RIT2: variants seen among roughly 807,000 people sequenced by gnomAD.
The protein encoded by RIT2 is Ras like without CAAX 2, also known as GTP-binding protein Rit2.
A neutral mutation model predicts 23.7 loss-of-function variants in RIT2; 24 were observed. That is an observed-to-expected ratio of 1.01 (90% CI 0.73 to 1.43). RIT2 has a LOEUF of 1.43. Ranked by LOEUF, RIT2 falls within the 40% of genes most tolerant of loss-of-function variation. The probability of loss-of-function intolerance (pLI) is 0.00; values close to 1 mark genes in which losing one functional copy is unlikely to be tolerated. For synonymous variants in RIT2, 107 were observed against 91.1 expected (o/e 1.17, Z -0.99); for missense variants, 236 against 266.9 (o/e 0.88, Z 0.81).
At chr18:42,771,833 G>A (rs1913559065) in intron 4 of RIT2, among the ~76,000 whole-genome samples, 1 of 152,122 alleles carries the variant, frequency 6.6e-6, no homozygotes, top group Non-Finnish European at 1.5e-5. Context: ...AGTTCAAAGA[G>A]TTACAGTGAC....
At chr18:42,909,466 A>G (rs1175123489) in intron 4 of RIT2, among the ~76,000 whole-genome samples, 1 of 152,178 alleles carries the variant, frequency 6.6e-6, no homozygotes, top group East Asian at 1.9e-4. Flanking sequence ...AAATTGTTGG[A>G]ATACATTTAA....
At chr18:42,887,575 G>A (rs1304804813) in intron 4 of RIT2, among the ~76,000 whole-genome samples, 1 of 152,142 alleles carries the variant, frequency 6.6e-6, no homozygotes, top group Non-Finnish European at 1.5e-5. Context: ...ATGCAAAATG[G>A]TACAGTCACT....
intron 1 of RIT2, among the ~76,000 whole-genome samples, chr18:43,076,676 G>A (rs1044182863): frequency 1.3e-5 from 2 of 152,192 alleles, no homozygotes; most frequent in African/African-American, 4.8e-5. Context: ...GATATGTCTA[G>A]CAACATCTCT....
intron 1 of RIT2, among the ~76,000 whole-genome samples, chr18:43,108,799 T>C (rs1163375812): frequency 1.3e-5 from 2 of 152,224 alleles, no homozygotes; most frequent in Non-Finnish European, 2.9e-5. Context: ...CAGTGAGTGA[T>C]GGTCTGCAGT....
intron 4 of RIT2, among the ~76,000 whole-genome samples, chr18:42,881,097 C>A (rs2083775361): frequency 1.3e-5 from 2 of 152,068 alleles, no homozygotes; most frequent in Admixed American, 1.3e-4. Context: ...TGAGCCACTG[C>A]ACCCACCCAT....
intron 4 of RIT2, among the ~76,000 whole-genome samples, chr18:42,844,216 T>C (rs1285422806): frequency 6.6e-6 from 1 of 152,160 alleles, no homozygotes; most frequent in African/African-American, 2.4e-5. Context: ...TGGGGCATGT[T>C]ATAATGCTCT....
At chr18:43,030,319 TA>T in intron 2 of RIT2, among the ~76,000 whole-genome samples, 1 of 152,102 alleles carries the variant, frequency 6.6e-6, no homozygotes. Flanking sequence ...AGCAAAGATG[TA>T]GGTGAAAAAA....
chr18:42,757,381 T>C (rs991883607), intron 4 of RIT2, among the ~76,000 whole-genome samples: 1 of 152,168 alleles, frequency 6.6e-6, no homozygotes, highest in Non-Finnish European at 1.5e-5. Flanking sequence ...GAGTAGCAGA[T>C]GACTTTGATG....
chr18:42,860,322 T>C (rs957642623), intron 4 of RIT2, among the ~76,000 whole-genome samples: 3 of 152,162 alleles, frequency 2.0e-5, no homozygotes, highest in Non-Finnish European at 4.4e-5. Flanking sequence ...AAGAAGGAGA[T>C]GGGAATGGGG....
At chr18:42,983,395 G>C (rs1222350635) in intron 2 of RIT2, among the ~76,000 whole-genome samples, 1 of 151,354 alleles carries the variant, frequency 6.6e-6, no homozygotes, top group African/African-American at 2.4e-5. Context: ...ACAATTTAAA[G>C]CTACAAGTTT....
intron 4 of RIT2, among the ~76,000 whole-genome samples, chr18:42,868,665 T>C (rs973432108): frequency 3.9e-5 from 6 of 152,202 alleles, no homozygotes; most frequent in Non-Finnish European, 8.8e-5. Context: ...ATGAGACTCA[T>C]GAAGAAATGG....
chr18:42,873,670 T>G (rs749296077), intron 4 of RIT2, among the ~76,000 whole-genome samples: 2 of 152,088 alleles, frequency 1.3e-5, no homozygotes, highest in Non-Finnish European at 2.9e-5. Flanking sequence ...AAACAGCATT[T>G]TTCTTCTGCC....
chr18:42,776,928 T>C (rs546502589), intron 4 of RIT2, among the ~76,000 whole-genome samples: 1 of 152,078 alleles, frequency 6.6e-6, no homozygotes, highest in African/African-American at 2.4e-5. Flanking sequence ...AAGTCTAGAG[T>C]AGAAGAAGAA....
rs943965142 is a variant in RIT2 at position 42,905,850 on chromosome 18, T to C, written c.426+17722A>G. ...TAGGATGTCGATAAAACTGATGAGATAAAACAGAGTCCAGGTAGGTGGCTG... is the reference window on the plus strand; with the variant it reads ...TAGGATGTCGATAAAACTGATGAGACAAAACAGAGTCCAGGTAGGTGGCTG... On this transcript the variant is annotated intron_variant, in intron 4 of 4. Transcript: ENST00000326695. Among the ~76,000 whole-genome samples, 3 of 149,250 alleles carry C rather than the reference T, an allele frequency of 2.0e-5. No homozygotes were observed. In the South Asian group the frequency reaches 6.4e-4, roughly 32 times the overall value.
Position 42,884,227 on chromosome 18 carries a change from T to G in RIT2, c.426+39345A>C, listed in dbSNP as rs186894592. ...TGACAACTCTTGAACTTTAAATATA[T>G]TCTAAGGTTGCTTGTCCCCTACTGG... On this transcript the variant is annotated intron_variant, in intron 4 of 4. Transcript: ENST00000326695. Among the ~76,000 whole-genome samples the G allele has an allele frequency of 2.2e-4, 34 of 152,300 alleles. 1 individual carries two copies. The highest frequency in any genetic ancestry group is 2.1e-3 in the Admixed American group (32 of 15,300).
intron 4 of RIT2, among the ~76,000 whole-genome samples, chr18:42,848,581 A>T (rs1013799924): frequency 6.6e-6 from 1 of 152,198 alleles, no homozygotes; most frequent in Non-Finnish European, 1.5e-5. Context: ...AATTATTATT[A>T]TCATAATTTA....
rs538245150 is a variant in RIT2, at chr18:42,937,272, A to G, written c.235-13509T>C. ...ATATTGTTACTGTCATTTTTTTCCT[A>G]TCCTCATGAAGCTCACCAAAGTAAA... On this transcript the variant is annotated intron_variant, in intron 3 of 4. Coordinates refer to ENST00000326695, the MANE Select transcript of RIT2 (RefSeq NM_002930.4). 2.5e-4 allele frequency among the ~76,000 whole-genome samples: 38 copies of G among 152,220 alleles called. 1 individual carries two copies. In the South Asian group the frequency reaches 7.7e-3, roughly 31 times the overall value.
intron 3 of RIT2, among the ~76,000 whole-genome samples, chr18:42,932,248 T>G: frequency 6.6e-6 from 1 of 152,128 alleles, no homozygotes; most frequent in East Asian, 1.9e-4. Flanking sequence ...GTGCTGGATA[T>G]ACTTCATCCT....
intron 2 of RIT2, among the ~76,000 whole-genome samples, chr18:43,010,234 G>A (rs952236214): frequency 6.6e-6 from 1 of 151,694 alleles, no homozygotes; most frequent in Non-Finnish European, 1.5e-5. Context: ...TTCTTATAAT[G>A]AGCCGTTTTT....
Sources: allele counts gnomAD v4.1 joint callset (sites outside exome capture counted in the v4.1 genomes callset), GRCh38; gene constraint gnomAD v4.1.1; transcripts MANE v1.5; gene names NCBI Gene and HGNC (gene_info 2026-07-23, HGNC 2026-07-21).